Variants in SRGAP1 observed in about 807,000 individuals in gnomAD.
SRGAP1 encodes SLIT-ROBO Rho GTPase-activating protein 1.
SRGAP1 carries 43 observed loss-of-function variants against 121.9 expected under a neutral mutation model. That is an observed-to-expected ratio of 0.35 (90% confidence interval 0.28 to 0.46). SRGAP1 has a LOEUF of 0.46. SRGAP1 is among the 20% of genes least tolerant of loss of function. The pLI is 1.00. For synonymous variants in SRGAP1, 447 were observed against 485.4 expected, an observed-to-expected ratio of 0.92 and a Z score of 1.04; for missense variants, 1,102 against 1,350.9, an observed-to-expected ratio of 0.82 and a Z score of 2.89.
At chr12:64,031,389 T>A (rs1480866335) in intron 4 of SRGAP1, among the ~76,000 whole-genome samples, 1 of 151,260 alleles carries the variant, frequency 6.6e-6, no homozygotes, top group Non-Finnish European at 1.5e-5. Flanking sequence ...TTTCCCCAAA[T>A]AATAAATTCT....
chr12:63,944,028 C>T (rs140076588), intron 1 of SRGAP1, among the ~76,000 whole-genome samples: 88 of 152,198 alleles, frequency 5.8e-4, no homozygotes, highest in African/African-American at 1.9e-3. Context: ...TTAGGTCCTG[C>T]GGTTGAGCTC....
chr12:63,909,793 A>G (rs951175809), intron 1 of SRGAP1, among the ~76,000 whole-genome samples: 1 of 152,172 alleles, frequency 6.6e-6, no homozygotes, highest in Non-Finnish European at 1.5e-5. Flanking sequence ...GCAAGTCCCA[A>G]ATCTGTAGGG....
chr12:63,949,573 G>A (rs556235052), intron 1 of SRGAP1, among the ~76,000 whole-genome samples: 152 of 151,674 alleles, frequency 1.0e-3, no homozygotes, highest in Non-Finnish European at 1.8e-3. Context: ...GACTACAGGC[G>A]CCTGCCACCA....
intron 1 of SRGAP1, among the ~76,000 whole-genome samples, chr12:63,915,648 C>T (rs1009590221): frequency 5.9e-5 from 9 of 152,158 alleles, no homozygotes; most frequent in African/African-American, 1.9e-4. Context: ...ATGTGAAAAA[C>T]GCTGAGGTCA....
intron 6 of SRGAP1, among the ~76,000 whole-genome samples, chr12:64,053,704 A>C (rs1448620184): frequency 1.3e-5 from 2 of 152,192 alleles, no homozygotes; most frequent in Non-Finnish European, 2.9e-5. Flanking sequence ...AATAGATTGT[A>C]GTGTTTGTAA....
intron 1 of SRGAP1, among the ~76,000 whole-genome samples, chr12:63,894,495 C>A (rs539238419): frequency 6.6e-6 from 1 of 150,582 alleles, no homozygotes; most frequent in Non-Finnish European, 1.5e-5. Flanking sequence ...AATTATACTT[C>A]AAGTTCTAGG....
intron 1 of SRGAP1, among the ~76,000 whole-genome samples, chr12:63,920,752 G>A (rs531769959): frequency 7.2e-5 from 11 of 152,234 alleles, no homozygotes; most frequent in African/African-American, 2.4e-4. Context: ...AGTGAGACCT[G>A]TAAATGGTTT....
Position 64,079,031 on chromosome 12 carries a change from C to T in SRGAP1, c.1238C>T (p.Ser413Phe). 6.2e-7 allele frequency: 1 copy of T among 1,614,114 alleles called. No individual in the cohort carries two copies. Among genetic ancestry groups the T allele is most frequent in the Non-Finnish European group, 8.5e-7 (1 of 1,179,984 alleles). Reference sequence around the variant, plus strand: ...AGTCGTTCCACAGAATCAGTGAAGTCCACTGTCTCTGAAACCTACCTGAGT... The same window carrying T: ...AGTCGTTCCACAGAATCAGTGAAGTTCACTGTCTCTGAAACCTACCTGAGT... ...QHSRSTESVK[S>F]TVSETYLSKP... Residue 413 changes from serine to phenylalanine, a missense_variant, in exon 9 of 22, where the codon TCC (serine) becomes TTC (phenylalanine). By Grantham distance (155) the Ser-to-Phe change is radical. Transcript: ENST00000355086.
At chr12:63,983,300 T>C (rs535010126) in intron 1 of SRGAP1, 141 of 152,264 alleles carry the variant, frequency 9.3e-4, no homozygotes, top group African/African-American at 3.3e-3. Flanking sequence ...TGAGGTAGAG[T>C]GCTGTTGAAA....
intron 1 of SRGAP1, among the ~76,000 whole-genome samples, chr12:63,894,429 TGTAGCATCC>T (rs1900685583): frequency 1.3e-5 from 2 of 152,062 alleles, no homozygotes; most frequent in Non-Finnish European, 2.9e-5. Flanking sequence ...CTTCGCTCAT[TGTAGCATCC>T]TACCCCAAAT....
At chr12:63,998,331 G>A (rs1372710434) in intron 3 of SRGAP1, among the ~76,000 whole-genome samples, 1 of 152,194 alleles carries the variant, frequency 6.6e-6, no homozygotes, top group Non-Finnish European at 1.5e-5. Context: ...GCAAGACCCA[G>A]CATTAGCAAG....
intron 3 of SRGAP1, among the ~76,000 whole-genome samples, chr12:64,006,916 A>G (rs1033008193): frequency 4.6e-5 from 7 of 152,282 alleles, no homozygotes; most frequent in Non-Finnish European, 7.4e-5. Context: ...TAAGGCTTCT[A>G]CTTCTTTAGC....
intron 8 of SRGAP1, among the ~76,000 whole-genome samples, chr12:64,070,036 C>G (rs2035612230): frequency 6.6e-6 from 1 of 152,178 alleles, no homozygotes; most frequent in South Asian, 2.1e-4. Flanking sequence ...AGCCGGCTCA[C>G]ATTACTCATT....
At chr12:63,931,795 G>C (rs556765852) in intron 1 of SRGAP1, among the ~76,000 whole-genome samples, 1 of 152,312 alleles carries the variant, frequency 6.6e-6, no homozygotes, top group East Asian at 1.9e-4. Context: ...GAACAAGGTG[G>C]ATAAGAGTTT....
intron 4 of SRGAP1, among the ~76,000 whole-genome samples, chr12:64,035,280 G>A (rs2136493719): frequency 6.6e-6 from 1 of 152,030 alleles, no homozygotes; most frequent in Non-Finnish European, 1.5e-5. Context: ...AAGAAGCCTG[G>A]GAATTTTTCT....
chr12:63,880,507 T>A (rs1033087929), intron 1 of SRGAP1, among the ~76,000 whole-genome samples: 1 of 152,186 alleles, frequency 6.6e-6, no homozygotes, highest in African/African-American at 2.4e-5. Context: ...GTGCTGGTAT[T>A]ACAGGCGTGA....
chr12:63,864,260 C>G (rs916738833), intron 1 of SRGAP1, among the ~76,000 whole-genome samples: 1 of 152,144 alleles, frequency 6.6e-6, no homozygotes, highest in South Asian at 2.1e-4. Context: ...AAATAATGTA[C>G]AGAAAGCCTT....
At chr12:64,069,672 G>A (rs2035606125) in intron 8 of SRGAP1, among the ~76,000 whole-genome samples, 1 of 151,958 alleles carries the variant, frequency 6.6e-6, no homozygotes. Flanking sequence ...TTTTGTTTTT[G>A]TTTTGTTTGA....
chr12:63,932,204 C>G (rs1278218192), intron 1 of SRGAP1, among the ~76,000 whole-genome samples: 1 of 152,122 alleles, frequency 6.6e-6, no homozygotes, highest in Non-Finnish European at 1.5e-5. Flanking sequence ...TGCCGTGAAC[C>G]CGGGAGGCAG....
Sources: allele counts gnomAD v4.1 joint callset (sites outside exome capture counted in the v4.1 genomes callset), GRCh38; gene constraint gnomAD v4.1.1; transcripts MANE v1.5; gene names NCBI Gene and HGNC (gene_info 2026-07-23, HGNC 2026-07-21).